RELCH: variants seen among roughly 807,000 people sequenced by gnomAD.
RELCH encodes the protein RAB11-binding protein RELCH.
A neutral mutation model predicts 150.3 loss-of-function variants in RELCH; 41 were observed. The observed-to-expected ratio is 0.27, with a 90% CI of 0.21 to 0.35. The LOEUF (loss-of-function observed/expected upper bound fraction) is 0.35. Among genes scored for constraint, RELCH ranks in the 10% least tolerant of loss-of-function variants. The probability of loss-of-function intolerance (pLI) is 1.00; values close to 1 mark genes in which losing one functional copy is unlikely to be tolerated. For synonymous variants in RELCH, 478 were observed against 531.8 expected (o/e 0.90, Z 1.39); for missense variants, 1,092 against 1,467.8 (o/e 0.74, Z 4.18).
intron 5 of RELCH, among the ~76,000 whole-genome samples, chr18:62,226,626 G>A (rs2041233561): frequency 6.6e-6 from 1 of 152,010 alleles, no homozygotes; most frequent in Non-Finnish European, 1.5e-5. Flanking sequence ...GTTTTATGAT[G>A]TCATGCAAAT....
intron 8 of RELCH, among the ~76,000 whole-genome samples, chr18:62,230,034 A>G (rs1202496847): frequency 6.6e-6 from 1 of 152,114 alleles, no homozygotes; most frequent in African/African-American, 2.4e-5. Flanking sequence ...CTATACGGGT[A>G]TATGTTGGAA....
chr18:62,263,629 A>G (rs1238415561), intron 16 of RELCH, among the ~76,000 whole-genome samples: 6 of 152,072 alleles, frequency 3.9e-5, no homozygotes, highest in Admixed American at 2.6e-4. Context: ...ATGGTAACCC[A>G]CACAAATATT....
intron 1 of RELCH, among the ~76,000 whole-genome samples, chr18:62,199,470 G>A (rs1156966808): frequency 6.6e-6 from 1 of 152,152 alleles, no homozygotes; most frequent in African/African-American, 2.4e-5. Flanking sequence ...AAATTTATCT[G>A]TGTATCAACA....
intron 1 of RELCH, among the ~76,000 whole-genome samples, chr18:62,191,888 T>A (rs370002209): frequency 6.6e-6 from 1 of 152,240 alleles, no homozygotes; most frequent in Admixed American, 6.5e-5. Context: ...TAGAATGATT[T>A]ACATTCCTTT....
intron 16 of RELCH, 59 bp downstream of exon 16, chr18:62,261,717 G>T (rs2043282518): frequency 1.4e-6 from 2 of 1,475,616 alleles, no homozygotes; most frequent in Admixed American, 2.1e-5. Flanking sequence ...GCTTCCCAAA[G>T]AATTGTTTTT....
At chr18:62,266,493 T>G (rs965843329) in intron 18 of RELCH, among the ~76,000 whole-genome samples, 11 of 151,890 alleles carry the variant, frequency 7.2e-5, no homozygotes, top group Non-Finnish European at 1.5e-4. Flanking sequence ...TTTCAAAAAT[T>G]TATCCTTAAA....
chr18:62,240,408 C>CTTTTTTT (rs199932427), intron 10 of RELCH, among the ~76,000 whole-genome samples: 4 of 139,570 alleles, frequency 2.9e-5, no homozygotes, highest in Non-Finnish European at 3.1e-5. Flanking sequence ...TTTTTTTTTT[C>CTTTTTTT]TTTTTCTTTT....
Position 62,273,980 on chromosome 18 carries a change from G to T in RELCH, c.2761G>T (p.Glu921Ter). ...CAGTATCAGTATTTTTCCTCTGTAG[G>T]AAGAAGACCGAAAACTGTTAGTTGG... ...ATGVLTCYIQ[E>*]EDRKLLVGFL... The change falls in exon 21 of 29, where the codon GAA becomes TAA. Residue 921 changes from glutamate (E) to a stop codon, truncating the protein, a stop_gained and splice_region_variant. Coordinates refer to ENST00000644646, the MANE Select transcript of RELCH (RefSeq NM_001346231.2). LOFTEE classifies it high-confidence loss of function. The T allele has an allele frequency of 6.3e-7, 1 of 1,597,086 alleles. No individual in the cohort carries two copies. The highest frequency in any genetic ancestry group is 8.6e-7 in the Non-Finnish European group (1 of 1,165,460).
At chr18:62,277,052 A>G (rs2044250184) in intron 22 of RELCH, among the ~76,000 whole-genome samples, 1 of 152,094 alleles carries the variant, frequency 6.6e-6, no homozygotes, top group African/African-American at 2.4e-5. Flanking sequence ...CATAAAAGCT[A>G]TTTCTTTTTC....
At chr18:62,295,554 T>C (rs1444740089) in intron 27 of RELCH, among the ~76,000 whole-genome samples, 1 of 152,092 alleles carries the variant, frequency 6.6e-6, no homozygotes, top group East Asian at 1.9e-4. Context: ...TTTCTTCTTT[T>C]CTGATATATG....
At chr18:62,215,265 C>G (rs1208151240) in intron 2 of RELCH, among the ~76,000 whole-genome samples, 1 of 151,916 alleles carries the variant, frequency 6.6e-6, no homozygotes, top group Non-Finnish European at 1.5e-5. Flanking sequence ...TGATATGAGG[C>G]AAAAAGAAGA....
At chr18:62,264,220 T>C in intron 17 of RELCH, 75 bp downstream of exon 17, 1 of 1,241,996 alleles carries the variant, frequency 8.1e-7, no homozygotes, top group Non-Finnish European at 1.1e-6. Flanking sequence ...GAACAAAATA[T>C]AACAAAACTT....
At chr18:62,246,719 T>C (rs2042432865) in intron 11 of RELCH, 1 of 152,226 alleles carries the variant, frequency 6.6e-6, no homozygotes, top group East Asian at 1.9e-4. Flanking sequence ...ACAGCCATTA[T>C]TTTTATCTAA....
intron 13 of RELCH, among the ~76,000 whole-genome samples, chr18:62,257,266 A>C (rs950635083): frequency 6.6e-6 from 1 of 152,092 alleles, no homozygotes; most frequent in Non-Finnish European, 1.5e-5. Context: ...ATAACTGGAA[A>C]ATATTCTGTG....
intron 1 of RELCH, among the ~76,000 whole-genome samples, chr18:62,201,740 T>C (rs1403747194): frequency 1.3e-5 from 2 of 152,206 alleles, no homozygotes; most frequent in Admixed American, 1.3e-4. Flanking sequence ...TATATATCCA[T>C]GTCCTTTAAA....
At chr18:62,298,158 T>C (rs564527081) in intron 27 of RELCH, among the ~76,000 whole-genome samples, 11 of 150,930 alleles carry the variant, frequency 7.3e-5, no homozygotes, top group African/African-American at 2.7e-4. Context: ...TTTAGGGACC[T>C]CCATGCCCAA....
At chr18:62,213,917 C>A (rs1323835657) in intron 2 of RELCH, among the ~76,000 whole-genome samples, 3 of 151,754 alleles carry the variant, frequency 2.0e-5, no homozygotes, top group Non-Finnish European at 2.9e-5. Flanking sequence ...TCTGTCTGAC[C>A]TAAATGCTTT....
chr18:62,277,687 G>A lies in RELCH; in HGVS notation c.2968-2087G>A, dbSNP rs149679807. On this transcript the variant is annotated intron_variant, in intron 22 of 28. Transcript: ENST00000644646. ...TCACTGAAATTCACTAATAAATTGA[G>A]TTTAATTTTTAGACAGCAGGACAAA... 399 of 976,098 alleles carry A rather than the reference G, an allele frequency of 4.1e-4. 1 individual carries two copies. In the African/African-American group the frequency reaches 6.6e-3, roughly 16 times the overall value. The allele number at this position is 976,098 out of a possible 1,614,324, so 60.5% of individuals were successfully genotyped here. A position where few individuals can be genotyped will look rare whatever the true frequency, so the allele number is the denominator to read the frequency against.
intron 28 of RELCH, among the ~76,000 whole-genome samples, chr18:62,303,760 A>G (rs1382423432): frequency 6.6e-6 from 1 of 152,228 alleles, no homozygotes; most frequent in Non-Finnish European, 1.5e-5. Flanking sequence ...TGACAGTGGT[A>G]TGGAAAAACA....
Sources: gnomAD v4.1 joint callset for allele counts (sites outside exome capture counted in the v4.1 genomes callset) on GRCh38, gnomAD v4.1.1 for gene constraint, MANE v1.5 for transcripts, NCBI Gene and HGNC (gene_info 2026-07-23, HGNC 2026-07-21) for gene names.